Variants in FAM186A observed in about 807,000 individuals in gnomAD.
FAM186A encodes protein FAM186A.
FAM186A carries 163 observed loss-of-function variants against 216.8 expected under a neutral mutation model. That is an observed-to-expected ratio of 0.75 (90% CI 0.66 to 0.86). The LOEUF (loss-of-function observed/expected upper bound fraction) is 0.86. Among genes scored for constraint, FAM186A ranks in the 40% least tolerant of loss-of-function variants. The probability of loss-of-function intolerance (pLI) is 0.00; values close to 1 mark genes in which losing one functional copy is unlikely to be tolerated. For missense variants in FAM186A, 2,184 were observed against 2,746.2 expected, an observed-to-expected ratio of 0.80 and a Z score of 4.58; for synonymous variants, 805 against 1,025.3, an observed-to-expected ratio of 0.79 and a Z score of 4.10.
chr12:50,350,196 C>T, intron 4 of FAM186A, 133 bp downstream of exon 4: 1 of 785,064 alleles, frequency 1.3e-6, no homozygotes, highest in Non-Finnish European at 1.9e-6. Flanking sequence ...AAGCTTCCTT[C>T]CCATAGACCT....
rs541060698 is a variant in FAM186A, at chr12:50,363,126, A to G, written c.412+19T>C. ...CATTAACTTTATGGTTTTCCTCTGAACCGCTTCTGTAAACTTACTCCATTC... is the reference window on the plus strand; with the variant it reads ...CATTAACTTTATGGTTTTCCTCTGAGCCGCTTCTGTAAACTTACTCCATTC... On this transcript the variant is annotated intron_variant, in intron 2 of 7. Transcript: ENST00000327337. 6.6e-7 allele frequency: 1 copy of G among 1,524,470 alleles called. No homozygotes were observed. Among genetic ancestry groups the G allele is most frequent in the African/African-American group, 1.4e-5 (1 of 71,736 alleles). The allele number at this position is 1,524,470 out of a possible 1,614,324, so 94.4% of individuals were successfully genotyped here. A position where few individuals can be genotyped will look rare whatever the true frequency, so the allele number is the denominator to read the frequency against.
rs1435406807 is a variant in FAM186A, at chr12:50,351,746, C to A, written c.5086G>T (p.Ala1696Ser). 6 of 1,551,312 alleles carry A rather than the reference C, an allele frequency of 3.9e-6. No homozygotes were observed. In the Admixed American group the frequency reaches 9.8e-5, roughly 25 times the overall value. ...KLGVPLTLDK[A>S]HTLGSPLTLK... ...GTGAGGGGCGATCCCAAGGTATGGG[C>A]TTTATCTAAGGTGAGAGGAACCCCT... Residue 1696 changes from alanine to serine, a missense_variant, in exon 4 of 8, where the codon GCC (alanine) becomes TCC (serine). Transcript: ENST00000327337.
intron 2 of FAM186A, among the ~76,000 whole-genome samples, chr12:50,361,323 C>T (rs1169118453): frequency 1.3e-5 from 2 of 152,046 alleles, no homozygotes; most frequent in African/African-American, 2.4e-5. Context: ...CTCAGCCTCC[C>T]GAGTAGCTGG....
At chr12:50,378,224 CAA>C (rs71083550) in intron 1 of FAM186A, among the ~76,000 whole-genome samples, 70 of 145,002 alleles carry the variant, frequency 4.8e-4, no homozygotes, top group East Asian at 8.0e-4. Context: ...AACTCCATCT[CAA>C]AAAAAAAAAA....
chr12:50,362,483 G>A (rs12299758), intron 2 of FAM186A, among the ~76,000 whole-genome samples: 95,620 of 151,426 alleles, frequency 0.63, 30,872 homozygotes, highest in East Asian at 0.74. Context: ...AGTGGCTCAT[G>A]CCTGTAATCC....
intron 1 of FAM186A, among the ~76,000 whole-genome samples, chr12:50,379,838 A>G (rs1000723262): frequency 2.0e-5 from 3 of 152,158 alleles, no homozygotes; most frequent in Admixed American, 1.3e-4. Flanking sequence ...GTTACCCTTC[A>G]TGTAAGAAAA....
At position 50,351,539 on chromosome 12, in the gene FAM186A, C is replaced by G. The variant is rs914260420; in HGVS notation, c.5293G>C (p.Val1765Leu). The change falls in exon 4 of 8, where the codon GTT becomes CTT. Residue 1765 changes from valine to leucine, a missense_variant. Transcript: ENST00000327337. ...VSSTPLQISR[V>L]PLNQGPFAPG... ...GCAAAGGGGCCTTGGTTGAGGGGAA[C>G]CCTTGATATCTGCAAAGGAGTAGAA... is the stretch of plus-strand genomic sequence containing the variant. The G allele has an allele frequency of 2.0e-5, 31 of 1,531,874 alleles. No homozygotes were observed. Among genetic ancestry groups the G allele is most frequent in the South Asian group, 2.5e-5 (2 of 80,466 alleles). 94.9% of individuals were successfully genotyped at this position (1,531,874 alleles called of 1,614,324 possible).
At chr12:50,364,558 AAAAT>A (rs35338132) in intron 1 of FAM186A, among the ~76,000 whole-genome samples, 18 of 144,576 alleles carry the variant, frequency 1.2e-4, no homozygotes, top group South Asian at 4.3e-4. Flanking sequence ...ACACTGTCTA[AAAAT>A]AAATAAATAA....
At chr12:50,335,074 C>T (rs1942694280) in intron 4 of FAM186A, among the ~76,000 whole-genome samples, 1 of 151,432 alleles carries the variant, frequency 6.6e-6, no homozygotes. Context: ...CCAGCTTGGG[C>T]AATATAGTAA....
At chr12:50,362,363 T>G (rs1031887815) in intron 2 of FAM186A, among the ~76,000 whole-genome samples, 15 of 152,198 alleles carry the variant, frequency 9.9e-5, no homozygotes, top group African/African-American at 4.8e-5. Flanking sequence ...ACAAGTTCCC[T>G]AACTTCATAC....
chr12:50,365,886 A>T, intron 1 of FAM186A: 1 of 762,846 alleles, frequency 1.3e-6, no homozygotes, highest in Non-Finnish European at 2.4e-6. Context: ...GAAGAAATAT[A>T]TTATCTACAT....
intron 3 of FAM186A, 95 bp from the exon 4 acceptor site, chr12:50,356,343 C>T: frequency 1.1e-6 from 1 of 911,090 alleles, no homozygotes; most frequent in South Asian, 2.2e-5. Flanking sequence ...CCTAGATTAA[C>T]TATAACTAAT....
intron 2 of FAM186A, 44 bp downstream of exon 2, chr12:50,363,101 C>A (rs1436621668): frequency 6.3e-6 from 9 of 1,431,316 alleles, no homozygotes; most frequent in African/African-American, 2.9e-5. Context: ...TTCTCTTTTT[C>A]ATTAACTTTA....
chr12:50,349,819 T>A (rs1208909499), intron 4 of FAM186A, among the ~76,000 whole-genome samples: 1 of 152,050 alleles, frequency 6.6e-6, no homozygotes, highest in Non-Finnish European at 1.5e-5. Flanking sequence ...GCCTGTCTAA[T>A]TTTTGAATTT....
chr12:50,357,935 G>A lies in FAM186A; in HGVS notation c.584-1687C>T, dbSNP rs528835120. Among the ~76,000 whole-genome samples the A allele has an allele frequency of 2.9e-4, 44 of 151,744 alleles. No homozygotes were observed. In the East Asian group the frequency reaches 7.4e-3, roughly 25 times the overall value. ...AGACATTGCAGTGAGTCGAGATCACGCCACTGCACTCCAGCCTGGGTGACG... is the reference window on the plus strand; with the variant it reads ...AGACATTGCAGTGAGTCGAGATCACACCACTGCACTCCAGCCTGGGTGACG... On this transcript the variant is annotated intron_variant, in intron 3 of 7. Coordinates refer to ENST00000327337, the MANE Select transcript of FAM186A (RefSeq NM_001145475.3).
At chr12:50,383,572 G>A (rs188457144) in intron 1 of FAM186A, among the ~76,000 whole-genome samples, 82 of 152,126 alleles carry the variant, frequency 5.4e-4, no homozygotes, top group Non-Finnish European at 1.0e-3. Flanking sequence ...CTCCAGCCTG[G>A]GCAACAGAGT....
chr12:50,353,594 C>G lies in FAM186A; in HGVS notation c.3238G>C (p.Ala1080Pro). 6.6e-7 allele frequency: 1 copy of G among 1,526,176 alleles called. No homozygotes were observed. The highest frequency in any genetic ancestry group is 1.3e-5 in the South Asian group (1 of 78,406). The allele number at this position is 1,526,176 out of a possible 1,614,324, so 94.5% of individuals were successfully genotyped here. A position where few individuals can be genotyped will look rare whatever the true frequency, so the allele number is the denominator to read the frequency against. ...TKCIHLTPQQ[A>P]QEVGITLTPQ... ...GTGAGTGTGATCCCCACTTCCTGGG[C>G]CTGCTGAGGTGTGAGATGAATGCAT... Residue 1080 changes from alanine to proline, a missense_variant, in exon 4 of 8, where the codon GCC becomes CCC. Ala to Pro is a conservative substitution (Grantham distance 27). Around this residue, in one of 7 missense-constraint regions of FAM186A, gnomAD observed 1,132 missense variants for 1,263.4 expected, o/e 0.90. Coordinates refer to ENST00000327337, the MANE Select transcript of FAM186A (RefSeq NM_001145475.3).
chr12:50,350,559 C>A lies in FAM186A; in HGVS notation c.6273G>T (p.Met2091Ile). 1 of 1,551,592 alleles carries A rather than the reference C, an allele frequency of 6.4e-7. No individual in the cohort carries two copies. Among genetic ancestry groups the A allele is most frequent in the Non-Finnish European group, 8.7e-7 (1 of 1,146,992 alleles). Residue 2091 changes from methionine (M) to isoleucine (I), a missense_variant, in exon 4 of 8, where the codon ATG (methionine) becomes ATT (isoleucine). Coordinates refer to ENST00000327337, the MANE Select transcript of FAM186A (RefSeq NM_001145475.3). ...SVSDTKKPKV[M>I]VPPSSPQELE... is the part of the protein sequence containing the mutation. ...GTTCTTGAGGAGAGGAAGGGGGCAC[C>A]ATTACTTTGGGTTTCTTGGTATCTG...
At chr12:50,372,704 T>A (rs1943153036) in intron 1 of FAM186A, among the ~76,000 whole-genome samples, 1 of 150,872 alleles carries the variant, frequency 6.6e-6, no homozygotes, top group African/African-American at 2.4e-5. Context: ...AGTTGGAGAC[T>A]GACCTGCCCA....
Sources: allele counts gnomAD v4.1 joint callset (sites outside exome capture counted in the v4.1 genomes callset), GRCh38; gene constraint gnomAD v4.1.1; regional missense constraint gnomAD v4.1.1; transcripts MANE v1.5; gene names NCBI Gene and HGNC (gene_info 2026-07-23, HGNC 2026-07-21).